UNC93B1: variants seen among roughly 807,000 people sequenced by gnomAD.
UNC93B1 encodes protein unc-93 homolog B1.
In UNC93B1, 33 loss-of-function variants were observed where a neutral mutation model predicts 56.8. The ratio of observed to expected loss-of-function variants is 0.58; its 90% confidence interval spans 0.44 to 0.78. The LOEUF (loss-of-function observed/expected upper bound fraction) is 0.78, where lower values mean the gene tolerates loss of function less well. Ranked by LOEUF, UNC93B1 falls within the 30% of genes least tolerant of loss-of-function variation. The pLI is 0.00. For synonymous variants in UNC93B1, 334 were observed against 358.6 expected (o/e 0.93, Z 0.77); for missense variants, 673 against 819.5 (o/e 0.82, Z 2.18).
rs1407855614 is a variant in UNC93B1 at position 68,004,011 on chromosome 11, C to G, written c.33G>C (p.Ala11=). The part of the protein sequence containing the change: MEAEPPLYPM[A]GAAGPQGDED... ...CGTCGCCCTGCGGCCCCGCAGCCCC[C>G]GCCATCGGGTAGAGCGGCGGCTCCG... is the stretch of plus-strand genomic sequence containing the variant. Residue 11 remains alanine, a synonymous_variant, in exon 1 of 11, where the codon GCG becomes GCC. Coordinates refer to ENST00000227471, the MANE Select transcript of UNC93B1 (RefSeq NM_030930.4). The G allele has an allele frequency of 4.3e-6, 6 of 1,403,372 alleles. No individual in the cohort carries two copies. Among genetic ancestry groups the G allele is most frequent in the African/African-American group, 3.0e-5 (2 of 67,050 alleles). The allele number at this position is 1,403,372 out of a possible 1,614,324, so 86.9% of individuals were successfully genotyped here.
rs1857074585 is a variant in UNC93B1 at position 68,003,178 on chromosome 11, G to A, written c.239-3C>T. 6.2e-7 allele frequency: 1 copy of A among 1,610,348 alleles called. No individual in the cohort carries two copies. Among genetic ancestry groups the A allele is most frequent in the Non-Finnish European group, 8.5e-7 (1 of 1,179,522 alleles). On this transcript the variant is annotated splice_polypyrimidine_tract_variant and splice_region_variant and intron_variant, in intron 2 of 10. Transcript: ENST00000227471. The surrounding 1 kb of genome is among the most constrained non-coding windows in gnomAD (Gnocchi z 4.4). ...GATCAGCTGCATCTGCAGGAGGCCT[G>A]GGGACAGGACAGAGAGCGGCGTGCA...
chr11:67,994,328 G>A (rs536974870), intron 9 of UNC93B1, among the ~76,000 whole-genome samples: 87 of 152,288 alleles, frequency 5.7e-4, no homozygotes, highest in Middle Eastern at 3.4e-3. Context: ...TGGCTCTGTG[G>A]GTGATTTGGG....
chr11:67,992,887 G>A (rs1198986484), intron 10 of UNC93B1, among the ~76,000 whole-genome samples: 3 of 148,978 alleles, frequency 2.0e-5, no homozygotes, highest in Admixed American at 6.7e-5. Context: ...GGCTGGTCTC[G>A]AACTCCAGAT....
At position 67,991,673 on chromosome 11, in the gene UNC93B1, T is replaced by C. The variant is rs1366251779; in HGVS notation, c.1667A>G (p.His556Arg). Residue 556 changes from histidine (H) to arginine (R), a missense_variant, in exon 11 of 11, where the codon CAT becomes CGT. This residue lies in a region of UNC93B1 where 80 missense variants were observed against 85.3 expected (regional missense o/e 0.94). Coordinates refer to ENST00000227471, the MANE Select transcript of UNC93B1 (RefSeq NM_030930.4). ...CGCCTCCTCCTCCGCGCCGTCCCCA[T>C]GCTCGCCCTCCGCGTCGCTCTCGTC... ...NSDESDAEGEHGDGAEEEAPP... is the reference protein window; with the variant it reads ...NSDESDAEGERGDGAEEEAPP... The C allele has an allele frequency of 3.3e-6, 5 of 1,530,892 alleles. No individual in the cohort carries two copies. The highest frequency in any genetic ancestry group is 1.4e-5 in the African/African-American group (1 of 72,640). The allele number at this position is 1,530,892 out of a possible 1,614,324, so 94.8% of individuals were successfully genotyped here.
chr11:68,000,447 C>A lies in UNC93B1; in HGVS notation c.393-767G>T, dbSNP rs143724415. Among the ~76,000 whole-genome samples, 158 of 152,232 alleles carry A rather than the reference C, an allele frequency of 1.0e-3. 1 individual carries two copies. Among genetic ancestry groups the A allele is most frequent in the African/African-American group, 3.3e-3 (137 of 41,524 alleles). On this transcript the variant is annotated intron_variant, in intron 3 of 10. Coordinates refer to ENST00000227471, the MANE Select transcript of UNC93B1 (RefSeq NM_030930.4). ...TAGGAGGTGGAGGTGGGCAGATCAC[C>A]TGAGGTCAGAAGTTTGAGACCAGCC...
At chr11:67,993,370 G>A (rs1337318318) in intron 10 of UNC93B1, among the ~76,000 whole-genome samples, 1 of 152,254 alleles carries the variant, frequency 6.6e-6, no homozygotes, top group Non-Finnish European at 1.5e-5. Flanking sequence ...AGCATGAGGA[G>A]CCTGCTCCCC....
intron 3 of UNC93B1, among the ~76,000 whole-genome samples, 183 bp from the exon 4 acceptor site, chr11:67,999,863 C>G (rs1239453909): frequency 6.6e-6 from 1 of 152,236 alleles, no homozygotes; most frequent in East Asian, 1.9e-4. Flanking sequence ...AGCTACTGTG[C>G]CTCAGTTTTC....
chr11:67,994,013 C>T (rs1202435983), intron 9 of UNC93B1, among the ~76,000 whole-genome samples: 1 of 152,222 alleles, frequency 6.6e-6, no homozygotes, highest in Non-Finnish European at 1.5e-5. Flanking sequence ...GCAGGTGCCT[C>T]GGGCTGTGTG....
chr11:67,995,583 C>G, intron 9 of UNC93B1, 28 bp downstream of exon 9: 1 of 273,638 alleles, frequency 3.7e-6, no homozygotes, highest in East Asian at 8.0e-5. Flanking sequence ...CCCGCCCCCC[C>G]CCCCCCAGTG....
At chr11:67,993,180 G>C (rs1184228691) in intron 10 of UNC93B1, among the ~76,000 whole-genome samples, 1 of 151,668 alleles carries the variant, frequency 6.6e-6, no homozygotes, top group Non-Finnish European at 1.5e-5. Context: ...GTAGAGACGA[G>C]GTTTCACCAT....
Position 67,999,206 on chromosome 11 carries a change from C to CAGG in UNC93B1, c.651_653dup (p.Leu218dup). The CAGG allele has an allele frequency of 6.2e-7, 1 of 1,613,960 alleles. No individual in the cohort carries two copies. Among genetic ancestry groups the CAGG allele is most frequent in the Non-Finnish European group, 8.5e-7 (1 of 1,179,898 alleles). ...AGCTGTAGAAGATGGCTTGGAAGAC[C>CAGG]AGGAGATAGGGCGCGTGGGAGCCCC... On this transcript the variant is annotated inframe_insertion, in exon 5 of 11. Coordinates refer to ENST00000227471, the MANE Select transcript of UNC93B1 (RefSeq NM_030930.4).
At chr11:68,000,750 T>G (rs7114090) in intron 3 of UNC93B1, among the ~76,000 whole-genome samples, 2,145 of 152,246 alleles carry the variant, frequency 0.014, 45 homozygotes, top group African/African-American at 0.046. Flanking sequence ...GGGGTGAACA[T>G]GTGGATTTGA....
chr11:67,991,589 G>T lies in UNC93B1; in HGVS notation c.1751C>A (p.Pro584Gln). 6.7e-7 allele frequency: 1 copy of T among 1,495,730 alleles called. No homozygotes were observed. Among genetic ancestry groups the T allele is most frequent in the Non-Finnish European group, 8.8e-7 (1 of 1,130,386 alleles). The allele number at this position is 1,495,730 out of a possible 1,614,324, so 92.7% of individuals were successfully genotyped here. Reference protein sequence around the residue: ...EPAGLGRRPCPYEQAQGGDGP... With the variant: ...EPAGLGRRPCQYEQAQGGDGP... The stretch of plus-strand genomic sequence containing the variant: ...GTCTCCCCCCTGCGCCTGTTCGTAC[G>T]GGCAGGGCCGGCGGCCGAGTCCAGC... Residue 584 changes from proline to glutamine, a missense_variant, in exon 11 of 11, where the codon CCG becomes CAG. By Grantham distance (76) the Pro-to-Gln change is moderately conservative (BLOSUM62 -1). Around this residue, in one of 3 missense-constraint regions of UNC93B1, gnomAD observed 80 missense variants for 85.3 expected, o/e 0.94. Transcript: ENST00000227471.
chr11:67,991,441 G>A lies in UNC93B1; in HGVS notation c.*105C>T. On this transcript the variant is annotated 3_prime_UTR_variant, in exon 11 of 11. Coordinates refer to ENST00000227471, the MANE Select transcript of UNC93B1 (RefSeq NM_030930.4). ...CCCAACGTGGGGGAGGGGAGACAGG[G>A]GCCTTTGAAGACAGCGCGGGACTCG... 2 of 1,136,848 alleles carry A rather than the reference G, an allele frequency of 1.8e-6. No individual in the cohort carries two copies. Among genetic ancestry groups the A allele is most frequent in the Middle Eastern group, 3.1e-4 (1 of 3,218 alleles). 70.4% of individuals were successfully genotyped at this position (1,136,848 alleles called of 1,614,324 possible). A position where few individuals can be genotyped will look rare whatever the true frequency, so the allele number is the denominator to read the frequency against.
rs1304652260 is a variant in UNC93B1, at chr11:68,003,990, G to A, written c.54C>T (p.Gly18=). Residue 18 remains glycine (G), a synonymous_variant, in exon 1 of 11, where the codon GGC becomes GGT. Coordinates refer to ENST00000227471, the MANE Select transcript of UNC93B1 (RefSeq NM_030930.4). The surrounding 1 kb of genome is among the most constrained non-coding windows in gnomAD (Gnocchi z 4.4). ...CCGGGACCCCGAGCAGGTCCTCGTC[G>A]CCCTGCGGCCCCGCAGCCCCCGCCA... ...YPMAGAAGPQ[G]DEDLLGVPDG... The A allele has an allele frequency of 1.4e-6, 2 of 1,398,234 alleles. No homozygotes were observed. The highest frequency in any genetic ancestry group is 1.5e-5 in the South Asian group (1 of 66,050). 86.6% of individuals were successfully genotyped at this position (1,398,234 alleles called of 1,614,324 possible).
At chr11:67,995,585 C>G (rs1590759774) in intron 9 of UNC93B1, 26 bp downstream of exon 9, 1 of 436,688 alleles carries the variant, frequency 2.3e-6, no homozygotes. Flanking sequence ...CGCCCCCCCC[C>G]CCCCAGTGCC....
At chr11:67,999,328 C>G in intron 4 of UNC93B1, 23 bp from the exon 5 acceptor site, 6 of 1,601,678 alleles carry the variant, frequency 3.7e-6, no homozygotes, top group African/African-American at 1.3e-5. Context: ...GGAGAGAAGG[C>G]TCTCCCCAGC....
In UNC93B1 at chr11:67,996,928, A is replaced by G. The variant is rs1053817360; in HGVS notation, c.907-144T>C. On this transcript the variant is annotated intron_variant, in intron 7 of 10. Transcript: ENST00000227471. ...CAAACCAGGGCCCCGCCCCTGAGAC[A>G]CTCCCACAGACCCAGGTCTTGCCTT... 13 of 998,684 alleles carry G rather than the reference A, an allele frequency of 1.3e-5. No individual in the cohort carries two copies. The African/African-American group carries it at 1.9e-4, about 14-fold the overall frequency. 61.9% of individuals were successfully genotyped at this position (998,684 alleles called of 1,614,324 possible).
At chr11:67,999,357 G>A (rs185836490) in intron 4 of UNC93B1, 52 bp from the exon 5 acceptor site, 22 of 1,573,106 alleles carry the variant, frequency 1.4e-5, no homozygotes, top group Non-Finnish European at 1.8e-5. Flanking sequence ...TGCCACTCCT[G>A]TGTGTCCTGC....
Sources: gnomAD v4.1 joint callset for allele counts (sites outside exome capture counted in the v4.1 genomes callset) on GRCh38, gnomAD v4.1.1 for gene constraint, gnomAD v4.1.1 regional missense constraint, Gnocchi (gnomAD v3.1) non-coding constraint, MANE v1.5 for transcripts, NCBI Gene and HGNC (gene_info 2026-07-23, HGNC 2026-07-21) for gene names.